ARHGAP35: variants seen among roughly 807,000 people sequenced by gnomAD.
ARHGAP35 encodes the protein Rho GTPase activating protein 35.
Under a neutral mutation model 111.1 loss-of-function variants are expected in ARHGAP35, and 15 were observed. That is an observed-to-expected ratio of 0.13 (90% confidence interval 0.09 to 0.21). ARHGAP35 has a LOEUF of 0.21. Ranked by LOEUF, ARHGAP35 falls within the 10% of genes least tolerant of loss-of-function variation. The pLI, the probability that ARHGAP35 is intolerant of heterozygous loss-of-function variation, is 1.00. For synonymous variants in ARHGAP35, 643 were observed against 710.3 expected (o/e 0.91, Z 1.51); for missense variants, 1,262 against 1,873.0 (o/e 0.67, Z 6.02).
In ARHGAP35 at chr19:46,861,068, G is replaced by A. The variant is rs1400282124; in HGVS notation, c.-330G>A. Among the ~76,000 whole-genome samples the A allele has an allele frequency of 1.3e-5, 2 of 151,096 alleles. No individual in the cohort carries two copies. The highest frequency in any genetic ancestry group is 2.4e-5 in the African/African-American group (1 of 41,200). ...GCGGAGGAGGGAACCCGCGAGGGAG[G>A]GTCCGCCCGGCCCCCCGCCGCCGGA... On this transcript the variant is annotated 5_prime_UTR_variant, in exon 1 of 7. Coordinates refer to ENST00000672722, the MANE Select transcript of ARHGAP35 (RefSeq NM_004491.5).
In ARHGAP35 at chr19:46,999,281, G is replaced by A. The variant is rs1599875987; in HGVS notation, c.4037-23G>A. The A allele has an allele frequency of 6.5e-7, 1 of 1,545,522 alleles. No individual in the cohort carries two copies. Among genetic ancestry groups the A allele is most frequent in the Non-Finnish European group, 8.8e-7 (1 of 1,137,222 alleles). On this transcript the variant is annotated intron_variant, in intron 5 of 6. Coordinates refer to ENST00000672722, the MANE Select transcript of ARHGAP35 (RefSeq NM_004491.5). This position sits in a 1 kb window ranked among gnomAD's most constrained non-coding sequence, Gnocchi z 5.4. ...ACCAGCCTCGGCCATGAAAGGCAAG[G>A]CTTTGGTTTTCTCTCTCCTCAGAAA...
chr19:46,973,517 C>T (rs1463554464), intron 3 of ARHGAP35, among the ~76,000 whole-genome samples: 2 of 151,792 alleles, frequency 1.3e-5, no homozygotes, highest in African/African-American at 2.4e-5. Flanking sequence ...GTGAAACCCC[C>T]TCTCTACTAA....
At chr19:46,934,886 T>C (rs544753621) in intron 2 of ARHGAP35, among the ~76,000 whole-genome samples, 9 of 152,094 alleles carry the variant, frequency 5.9e-5, no homozygotes, top group African/African-American at 1.7e-4. Context: ...TTGCCCAGGC[T>C]GGTCTTGAAC....
rs1036633166 is a variant in ARHGAP35, at chr19:46,993,284, G to C, written c.4036+3609G>C. On this transcript the variant is annotated intron_variant, in intron 5 of 6. Coordinates refer to ENST00000672722, the MANE Select transcript of ARHGAP35 (RefSeq NM_004491.5). The surrounding 1 kb of genome is among the most constrained non-coding windows in gnomAD (Gnocchi z 4.6). ...GATCACTGAAGGGCTGTGACCTTGA[G>C]CCGGGCTTTCCCTTTCCTGGCGATG... is the stretch of plus-strand genomic sequence containing the variant. Among the ~76,000 whole-genome samples the C allele has an allele frequency of 5.3e-5, 8 of 152,362 alleles. No homozygotes were observed. The highest frequency in any genetic ancestry group is 1.9e-4 in the African/African-American group (8 of 41,586).
rs569601047 is a variant in ARHGAP35 at position 46,926,629 on chromosome 19, TA to T, written c.3681+4284del. 8.8e-3 allele frequency among the ~76,000 whole-genome samples: 1,264 copies of T among 143,630 alleles called. 5 individuals are homozygous for T. Among genetic ancestry groups the T allele is most frequent in the South Asian group, 0.022 (99 of 4,580 alleles). The allele number at this position is 143,630 out of a possible 152,430, so 94.2% of individuals were successfully genotyped here. ...ATCTGATGTGTTCTTATTTTGGTGCTAAAAAAAAAAAGACAAAACAGAATGA... is the reference window on the plus strand; with the variant it reads ...ATCTGATGTGTTCTTATTTTGGTGCTAAAAAAAAAAGACAAAACAGAATGA... On this transcript the variant is annotated intron_variant, in intron 2 of 6. Transcript: ENST00000672722. The surrounding 1 kb of genome is among the most constrained non-coding windows in gnomAD (Gnocchi z 4.1).
In ARHGAP35 at chr19:46,981,302, T is replaced by C. The variant is rs528423658; in HGVS notation, c.3827-6687T>C. 2.0e-5 allele frequency among the ~76,000 whole-genome samples: 3 copies of C among 152,368 alleles called. No individual in the cohort carries two copies. In the East Asian group the frequency reaches 5.8e-4, roughly 29 times the overall value. ...AGAAAAGTCGACAAAAGTTGTTAGT[T>C]AAGTCCTGCCTGGCATGGGGTGTTT... is the stretch of plus-strand genomic sequence containing the variant. On this transcript the variant is annotated intron_variant, in intron 3 of 6. Coordinates refer to ENST00000672722, the MANE Select transcript of ARHGAP35 (RefSeq NM_004491.5).
Position 46,994,220 on chromosome 19 carries a change from A to T in ARHGAP35, c.4036+4545A>T, listed in dbSNP as rs138168126. Among the ~76,000 whole-genome samples, 770 of 152,178 alleles carry T rather than the reference A, an allele frequency of 5.1e-3. 9 individuals carry two copies. The highest frequency in any genetic ancestry group is 0.018 in the African/African-American group (756 of 41,542). On this transcript the variant is annotated intron_variant, in intron 5 of 6. Coordinates refer to ENST00000672722, the MANE Select transcript of ARHGAP35 (RefSeq NM_004491.5). This position sits in a 1 kb window ranked among gnomAD's most constrained non-coding sequence, Gnocchi z 5.4. ...CCCTGTCCCAGTAGGGACACCAGGG[A>T]GCCCATTGCCCCTGCTGTTTCTTTG... is the stretch of plus-strand genomic sequence containing the variant.
intron 1 of ARHGAP35, among the ~76,000 whole-genome samples, chr19:46,904,448 A>G (rs970997789): frequency 2.0e-5 from 3 of 152,080 alleles, no homozygotes; most frequent in Non-Finnish European, 4.4e-5. Flanking sequence ...TGTCAGCGAG[A>G]CACAGGGTCA....
chr19:46,881,718 C>T (rs1326395514), intron 1 of ARHGAP35, among the ~76,000 whole-genome samples: 3 of 152,174 alleles, frequency 2.0e-5, no homozygotes, highest in Non-Finnish European at 2.9e-5. Context: ...TAAAAAGTTA[C>T]TAGCTGCATT....
Position 46,921,403 on chromosome 19 carries a change from G to A in ARHGAP35, c.2728G>A (p.Glu910Lys). ...LSREQLTEGE[E>K]IAQEIDGRFT... Reference sequence around the variant, plus strand: ...TAGGGAACAGCTAACTGAGGGGGAGGAGATTGCTCAAGAAATTGACGGAAG... The same window carrying A: ...TAGGGAACAGCTAACTGAGGGGGAGAAGATTGCTCAAGAAATTGACGGAAG... The change falls in exon 2 of 7, where the codon GAG becomes AAG. Residue 910 changes from glutamate to lysine, a missense_variant. By Grantham distance (56) the Glu-to-Lys change is moderately conservative (BLOSUM62 1). Transcript: ENST00000672722. The surrounding 1 kb of genome is among the most constrained non-coding windows in gnomAD (Gnocchi z 4.3). 3.1e-6 allele frequency: 5 copies of A among 1,613,934 alleles called. No individual in the cohort carries two copies. Among genetic ancestry groups the A allele is most frequent in the Non-Finnish European group, 3.4e-6 (4 of 1,179,884 alleles).
Position 46,989,701 on chromosome 19 carries a change from G to A in ARHGAP35, c.4036+26G>A. 2 of 1,613,206 alleles carry A rather than the reference G, an allele frequency of 1.2e-6. No individual in the cohort carries two copies. Among genetic ancestry groups the A allele is most frequent in the South Asian group, 1.1e-5 (1 of 91,046 alleles). On this transcript the variant is annotated intron_variant, in intron 5 of 6. Coordinates refer to ENST00000672722, the MANE Select transcript of ARHGAP35 (RefSeq NM_004491.5). This position sits in a 1 kb window ranked among gnomAD's most constrained non-coding sequence, Gnocchi z 5.3. ...GTGAGTACCGGCAGCCCAGTGTTGG[G>A]CGGATTGAGGGAGAAAGGGCTTGGC...
chr19:46,983,323 A>G (rs1190003314), intron 3 of ARHGAP35, among the ~76,000 whole-genome samples: 2 of 152,200 alleles, frequency 1.3e-5, no homozygotes, highest in Admixed American at 6.5e-5. Context: ...GAATGGGATA[A>G]TAATCACCAG....
Position 46,922,671 on chromosome 19 carries a change from C to G in ARHGAP35, c.3681+315C>G, listed in dbSNP as rs1193834144. Among the ~76,000 whole-genome samples the G allele has an allele frequency of 2.0e-5, 3 of 152,176 alleles. No homozygotes were observed. Among genetic ancestry groups the G allele is most frequent in the African/African-American group, 7.2e-5 (3 of 41,444 alleles). On this transcript the variant is annotated intron_variant, in intron 2 of 6. Coordinates refer to ENST00000672722, the MANE Select transcript of ARHGAP35 (RefSeq NM_004491.5). This position sits in a 1 kb window ranked among gnomAD's most constrained non-coding sequence, Gnocchi z 4.0. Reference sequence around the variant, plus strand: ...CAAGCGCAGTGACAATACACTTGCTCTCCCTTCACTGAAACACCAGAACTC... The same window carrying G: ...CAAGCGCAGTGACAATACACTTGCTGTCCCTTCACTGAAACACCAGAACTC...
chr19:46,940,604 C>CT (rs112571284), intron 3 of ARHGAP35, among the ~76,000 whole-genome samples: 1,617 of 139,952 alleles, frequency 0.012, 15 homozygotes, highest in African/African-American at 0.027. Context: ...TTTGTTTTCC[C>CT]TTTTTTTTTT....
chr19:46,914,864 C>T (rs1188593802), intron 1 of ARHGAP35, among the ~76,000 whole-genome samples: 1 of 152,172 alleles, frequency 6.6e-6, no homozygotes, highest in East Asian at 1.9e-4. Context: ...TTACAGAGAA[C>T]AGTTGAGTCA....
chr19:46,988,298 C>T lies in ARHGAP35; in HGVS notation c.3904+232C>T. ...CCCAAGCTGGGTCATGTAGGCCACT[C>T]CCCACACTGCCACTCACAGATGCTC... On this transcript the variant is annotated intron_variant, in intron 4 of 6. Transcript: ENST00000672722. This position sits in a 1 kb window ranked among gnomAD's most constrained non-coding sequence, Gnocchi z 5.4. The T allele has an allele frequency of 3.9e-6, 2 of 508,702 alleles. No homozygotes were observed. Among genetic ancestry groups the T allele is most frequent in the East Asian group, 7.1e-5 (2 of 28,236 alleles). 31.5% of individuals were successfully genotyped at this position (508,702 alleles called of 1,614,324 possible). A position where few individuals can be genotyped will look rare whatever the true frequency, so the allele number is the denominator to read the frequency against.
rs549563216 is a variant in ARHGAP35 at position 46,876,975 on chromosome 19, C to T, written c.-189+15766C>T. Among the ~76,000 whole-genome samples, 28 of 152,224 alleles carry T rather than the reference C, an allele frequency of 1.8e-4. No homozygotes were observed. In the South Asian group the frequency reaches 4.2e-3, roughly 23 times the overall value. ...ATATAAAAGTTAAGTTTTGGCCGGG[C>T]GCAGTGGCTCATGCCTGTAATCCCA... On this transcript the variant is annotated intron_variant, in intron 1 of 6. Transcript: ENST00000672722.
In ARHGAP35 at chr19:46,879,044, T is replaced by A. The variant is rs148681381; in HGVS notation, c.-189+17835T>A. ...CGTAGAACTTCTTTCAAAATTAGAG[T>A]CAATCCTCTGAAACCCTGCTGCTAC... On this transcript the variant is annotated intron_variant, in intron 1 of 6. Transcript: ENST00000672722. Among the ~76,000 whole-genome samples, 11 of 152,298 alleles carry A rather than the reference T, an allele frequency of 7.2e-5. No individual in the cohort carries two copies. The East Asian group carries it at 2.1e-3, about 29-fold the overall frequency.
intron 3 of ARHGAP35, among the ~76,000 whole-genome samples, chr19:46,958,788 A>G (rs1431780730): frequency 1.3e-5 from 2 of 152,344 alleles, no homozygotes; most frequent in Middle Eastern, 3.4e-3. Context: ...GAGAACTGCA[A>G]TTGCATGCCT....
Sources: allele counts gnomAD v4.1 joint callset (sites outside exome capture counted in the v4.1 genomes callset), GRCh38; gene constraint gnomAD v4.1.1; non-coding constraint Gnocchi (gnomAD v3.1); transcripts MANE v1.5; gene names NCBI Gene and HGNC (gene_info 2026-07-23, HGNC 2026-07-21).